Variants in SLC6A5 observed in about 807,000 individuals in gnomAD.
SLC6A5 encodes the protein sodium- and chloride-dependent glycine transporter 2.
Under a neutral mutation model 90.5 loss-of-function variants are expected in SLC6A5, and 58 were observed. The ratio of observed to expected loss-of-function variants is 0.64; its 90% CI spans 0.52 to 0.80. The LOEUF is 0.80. Ranked by LOEUF, SLC6A5 falls within the 30% of genes least tolerant of loss-of-function variation. The probability of loss-of-function intolerance (pLI) is 0.00; values close to 1 mark genes in which losing one functional copy is unlikely to be tolerated. For missense variants in SLC6A5, 1,015 were observed against 1,017.6 expected (o/e 1.00, Z 0.03); for synonymous variants, 427 against 401.4 (o/e 1.06, Z -0.76).
chr11:20,630,872 G>A (rs918734221), intron 10 of SLC6A5, 57 bp downstream of exon 10: 30 of 1,599,614 alleles, frequency 1.9e-5, no homozygotes, highest in Non-Finnish European at 2.5e-5. Context: ...CATGTCACAA[G>A]CTCCTAATTT....
intron 14 of SLC6A5, among the ~76,000 whole-genome samples, chr11:20,650,707 C>A (rs1174107152): frequency 7.2e-6 from 1 of 139,808 alleles, no homozygotes; most frequent in Non-Finnish European, 1.5e-5. Context: ...CGCTCTGTCG[C>A]CCAGGCTGGA....
chr11:20,615,714 G>C (rs573989732), intron 6 of SLC6A5, among the ~76,000 whole-genome samples: 1 of 152,320 alleles, frequency 6.6e-6, no homozygotes, highest in Admixed American at 6.5e-5. Context: ...GTTCATCATA[G>C]GGTACGTAAA....
At chr11:20,616,592 G>T (rs904932799) in intron 6 of SLC6A5, among the ~76,000 whole-genome samples, 1 of 152,144 alleles carries the variant, frequency 6.6e-6, no homozygotes, top group East Asian at 1.9e-4. Flanking sequence ...TTGGGCATGG[G>T]ACATGGGGAA....
chr11:20,652,250 G>A lies in SLC6A5; in HGVS notation c.2071-39G>A, dbSNP rs560659018. The A allele has an allele frequency of 4.2e-5, 68 of 1,603,374 alleles. 1 individual carries two copies. The South Asian group carries it at 5.9e-4, about 14-fold the overall frequency. ...AGTGTTGAGTGCTTGAATAATTCAC[G>A]CCACCACCCTAACACGTGTGTCACT... On this transcript the variant is annotated intron_variant, in intron 14 of 15. Coordinates refer to ENST00000525748, the MANE Select transcript of SLC6A5 (RefSeq NM_004211.5).
At chr11:20,614,422 A>C (rs555326129) in intron 5 of SLC6A5, among the ~76,000 whole-genome samples, 3 of 152,214 alleles carry the variant, frequency 2.0e-5, no homozygotes, top group Admixed American at 6.5e-5. Context: ...CTTGCCTACC[A>C]CATAGAGAGT....
chr11:20,626,180 G>C (rs755226518), intron 7 of SLC6A5, among the ~76,000 whole-genome samples: 1 of 152,184 alleles, frequency 6.6e-6, no homozygotes, highest in African/African-American at 2.4e-5. Flanking sequence ...CTTAATAAAT[G>C]TCTAAGGTCA....
chr11:20,628,163 C>A, intron 9 of SLC6A5, 80 bp downstream of exon 9: 1 of 1,134,772 alleles, frequency 8.8e-7, no homozygotes, highest in Non-Finnish European at 1.3e-6. Context: ...ACACCTGAGG[C>A]CACATCCTCA....
In SLC6A5 at chr11:20,607,827, G is replaced by A. The variant is rs150522376; in HGVS notation, c.985+175G>A. Among the ~76,000 whole-genome samples, 262 of 152,236 alleles carry A rather than the reference G, an allele frequency of 1.7e-3. 3 individuals are homozygous for A. The highest frequency in any genetic ancestry group is 0.014 in the East Asian group (73 of 5,180). On this transcript the variant is annotated intron_variant, in intron 5 of 15. Transcript: ENST00000525748. Reference sequence around the variant, plus strand: ...TAACATAAAACTTAAGGAGCTCCTGGCCCAGAGGAAAGCTTAATCAAATTT... The same window carrying A: ...TAACATAAAACTTAAGGAGCTCCTGACCCAGAGGAAAGCTTAATCAAATTT...
Position 20,646,877 on chromosome 11 carries a change from C to T in SLC6A5, c.2013C>T (p.Phe671=). Residue 671 remains phenylalanine, a synonymous_variant, in exon 14 of 16, where the codon TTC becomes TTT. Coordinates refer to ENST00000525748, the MANE Select transcript of SLC6A5 (RefSeq NM_004211.5). ...FCEDIEMMIG[F]QPNIFWKVCW... The stretch of plus-strand genomic sequence containing the variant: ...AAGATATAGAGATGATGATTGGATT[C>T]CAGCCTAACATCTTCTGGAAAGTCT... 1 of 1,613,784 alleles carries T rather than the reference C, an allele frequency of 6.2e-7. No homozygotes were observed. Among genetic ancestry groups the T allele is most frequent in the East Asian group, 2.2e-5 (1 of 44,870 alleles).
chr11:20,602,149 C>T (rs1294161197), intron 2 of SLC6A5, among the ~76,000 whole-genome samples: 1 of 152,232 alleles, frequency 6.6e-6, no homozygotes, highest in Non-Finnish European at 1.5e-5. Flanking sequence ...ACCTTTATTA[C>T]ATGAGAACTC....
chr11:20,601,404 T>G lies in SLC6A5; in HGVS notation c.279T>G (p.Ala93=), dbSNP rs1852473038. 6.2e-7 allele frequency: 1 copy of G among 1,605,234 alleles called. No individual in the cohort carries two copies. Among genetic ancestry groups the G allele is most frequent in the South Asian group, 1.1e-5 (1 of 89,878 alleles). ...CGCGGGCGCAGGCGGCCTCTGCAGC[T>G]CTGCGGGACTTGAGAGAGGCGCAAG... is the stretch of plus-strand genomic sequence containing the variant. ...SSPRAQAASA[A]LRDLREAQGA... Residue 93 remains alanine, a synonymous_variant, in exon 2 of 16, where the codon GCT becomes GCG. Transcript: ENST00000525748.
At chr11:20,630,049 A>G (rs1475522922) in intron 9 of SLC6A5, among the ~76,000 whole-genome samples, 1 of 152,180 alleles carries the variant, frequency 6.6e-6, no homozygotes, top group Admixed American at 6.5e-5. Flanking sequence ...TAGTCATCCT[A>G]TAGTGCTATA....
intron 11 of SLC6A5, among the ~76,000 whole-genome samples, 199 bp from the exon 12 acceptor site, chr11:20,636,973 C>T (rs987955186): frequency 9.2e-5 from 14 of 152,160 alleles, no homozygotes; most frequent in African/African-American, 3.4e-4. Context: ...ATTTTTAAAG[C>T]TCACATCCTG....
At chr11:20,601,775 G>A in intron 2 of SLC6A5, 110 bp downstream of exon 2, 1 of 1,201,876 alleles carries the variant, frequency 8.3e-7, no homozygotes, top group Non-Finnish European at 1.2e-6. Flanking sequence ...CCGGTTGGCA[G>A]TGCCAGGTGA....
rs756037540 is a variant in SLC6A5, at chr11:20,607,114, T to C, written c.787T>C (p.Trp263Arg). ...TGCCAGCCAGGGACCAGTGTCTGTG[T>C]GGAAGGCCATCCCAGCTCTACAAGG... is the stretch of plus-strand genomic sequence containing the variant. ...QFASQGPVSV[W>R]KAIPALQGCG... The change falls in exon 4 of 16, where the codon TGG becomes CGG. Residue 263 changes from tryptophan to arginine, a missense_variant. Trp to Arg is a moderately radical substitution (Grantham distance 101). Coordinates refer to ENST00000525748, the MANE Select transcript of SLC6A5 (RefSeq NM_004211.5). 7 of 1,613,986 alleles carry C rather than the reference T, an allele frequency of 4.3e-6. No individual in the cohort carries two copies. Among genetic ancestry groups the C allele is most frequent in the Non-Finnish European group, 5.9e-6 (7 of 1,180,018 alleles).
At chr11:20,653,230 G>A (rs1158753871) in intron 15 of SLC6A5, among the ~76,000 whole-genome samples, 1 of 152,098 alleles carries the variant, frequency 6.6e-6, no homozygotes. Context: ...ACTAAATCAG[G>A]GCTACTTAGG....
At position 20,636,303 on chromosome 11, in the gene SLC6A5, C is replaced by T; in HGVS notation, c.1625-4C>T. The T allele has an allele frequency of 7.5e-6, 12 of 1,596,798 alleles. No homozygotes were observed. The highest frequency in any genetic ancestry group is 1.0e-5 in the Non-Finnish European group (12 of 1,164,170). On this transcript the variant is annotated splice_polypyrimidine_tract_variant and splice_region_variant and intron_variant, in intron 10 of 15. Coordinates refer to ENST00000525748, the MANE Select transcript of SLC6A5 (RefSeq NM_004211.5). ...CCTGCAATCATCTGTCTTGTTCCTT[C>T]CAGGGCCAGGCATTGCATTTGTGGT...
rs149532917 is a variant in SLC6A5, at chr11:20,614,740, C to T, written c.1047C>T (p.Thr349=). 175 of 1,613,602 alleles carry T rather than the reference C, an allele frequency of 1.1e-4. 1 individual carries two copies. The Middle Eastern group carries it at 2.1e-3, about 20-fold the overall frequency. The change falls in exon 6 of 16, where the codon ACC becomes ACT. Residue 349 remains threonine, a synonymous_variant. Transcript: ENST00000525748. ...TCAAGAACTCGACTTTCTGCATGACCGCTTATCCCAACGTGACAATGGTTA... is the reference window on the plus strand; with the variant it reads ...TCAAGAACTCGACTTTCTGCATGACTGCTTATCCCAACGTGACAATGGTTA... ...IQIKNSTFCM[T]AYPNVTMVNF...
At chr11:20,652,707 T>C (rs560163959) in intron 15 of SLC6A5, among the ~76,000 whole-genome samples, 66 of 152,286 alleles carry the variant, frequency 4.3e-4, no homozygotes, top group African/African-American at 1.6e-3. Flanking sequence ...CTCTGGGGAA[T>C]AAATGATCGG....
Sources: allele counts gnomAD v4.1 joint callset (sites outside exome capture counted in the v4.1 genomes callset), GRCh38; gene constraint gnomAD v4.1.1; transcripts MANE v1.5; gene names NCBI Gene and HGNC (gene_info 2026-07-23, HGNC 2026-07-21).